PRDM15: variants seen among roughly 807,000 people sequenced by gnomAD.
PRDM15 encodes PR domain zinc finger protein 15.
PRDM15 carries 64 observed loss-of-function variants against 128.6 expected under a neutral mutation model. The observed-to-expected ratio is 0.50, with a 90% CI of 0.41 to 0.61. The LOEUF (loss-of-function observed/expected upper bound fraction) is 0.61. PRDM15 is among the 20% of genes least tolerant of loss of function. The probability of loss-of-function intolerance (pLI) is 0.00; values close to 1 mark genes in which losing one functional copy is unlikely to be tolerated. For missense variants in PRDM15, 1,242 were observed against 1,569.1 expected (o/e 0.79, Z 3.52); for synonymous variants, 615 against 621.8 (o/e 0.99, Z 0.16).
intron 11 of PRDM15, among the ~76,000 whole-genome samples, chr21:41,830,421 CAT>C (rs2062646171): frequency 1.3e-5 from 2 of 151,604 alleles, no homozygotes; most frequent in South Asian, 2.1e-4. Context: ...TACACAATCA[CAT>C]ATCACACACA....
At chr21:41,817,707 TA>T (rs1166088112) in intron 18 of PRDM15, among the ~76,000 whole-genome samples, 15 of 148,748 alleles carry the variant, frequency 1.0e-4, no homozygotes, top group Admixed American at 6.7e-5. Context: ...TATTTTCAAG[TA>T]AAAAAAAAAT....
At position 41,821,868 on chromosome 21, in the gene PRDM15, GA is replaced by G. The variant is rs1568923511; in HGVS notation, c.1896+34del. On this transcript the variant is annotated intron_variant, in intron 15 of 23. Transcript: ENST00000398548. This position sits in a 1 kb window ranked among gnomAD's most constrained non-coding sequence, Gnocchi z 5.4. Reference sequence around the variant, plus strand: ...CTTGAAACGACCACCTTCCTCTCCAGACCACCCAGGCACCGCGGGGCAAACC... The same window carrying G: ...CTTGAAACGACCACCTTCCTCTCCAGCCACCCAGGCACCGCGGGGCAAACC... 6.2e-7 allele frequency: 1 copy of G among 1,611,818 alleles called. No homozygotes were observed. The highest frequency in any genetic ancestry group is 8.5e-7 in the Non-Finnish European group (1 of 1,179,804).
intron 5 of PRDM15, among the ~76,000 whole-genome samples, chr21:41,849,993 C>T (rs1290152717): frequency 6.6e-6 from 1 of 152,194 alleles, no homozygotes; most frequent in Admixed American, 6.5e-5. Context: ...CAAATGGCAA[C>T]AGCAGTTGAG....
At chr21:41,865,145 A>C (rs1432604589) in intron 1 of PRDM15, among the ~76,000 whole-genome samples, 2 of 66,358 alleles carry the variant, frequency 3.0e-5, no homozygotes, top group Admixed American at 1.6e-4. Context: ...CCCACTCCCC[A>C]CTCCCCGGCT....
intron 5 of PRDM15, among the ~76,000 whole-genome samples, chr21:41,850,067 T>G (rs1450106797): frequency 6.6e-6 from 1 of 152,250 alleles, no homozygotes. Context: ...TGTTTGTATT[T>G]TACTCTTTTC....
intron 1 of PRDM15, chr21:41,877,755 A>C (rs946410519): frequency 6.6e-6 from 1 of 152,230 alleles, no homozygotes; most frequent in Admixed American, 6.5e-5. Context: ...AAATTTATTT[A>C]TTTGTCTTCT....
In PRDM15 at chr21:41,874,525, A is replaced by ATATATATATATTTTTTTTTT; in HGVS notation, c.-10+4744_-10+4745insAAAAAAAAAATATATATATA. ...TGCATATATATATATATATATATAT[A>ATATATATATATTTTTTTTTT]TTTTTTTTTTTTTTTGAAACTTACA... is the stretch of plus-strand genomic sequence containing the variant. On this transcript the variant is annotated intron_variant, in intron 1 of 23. Transcript: ENST00000398548. 2.4e-3 allele frequency among the ~76,000 whole-genome samples: 225 copies of ATATATATATATTTTTTTTTT among 95,700 alleles called. 1 individual carries two copies. The highest frequency in any genetic ancestry group is 3.5e-3 in the Non-Finnish European group (174 of 50,020). The allele number at this position is 95,700 out of a possible 152,430, so 62.8% of individuals were successfully genotyped here. A position where few individuals can be genotyped will look rare whatever the true frequency, so the allele number is the denominator to read the frequency against.
chr21:41,835,129 G>A (rs956922870), intron 11 of PRDM15, among the ~76,000 whole-genome samples: 4 of 152,094 alleles, frequency 2.6e-5, no homozygotes, highest in Non-Finnish European at 4.4e-5. Context: ...GAAAACATTG[G>A]ACACTGCTGC....
intron 1 of PRDM15, among the ~76,000 whole-genome samples, chr21:41,868,937 C>T (rs7284045): frequency 9.3e-4 from 142 of 152,308 alleles, no homozygotes; most frequent in African/African-American, 3.3e-3. Flanking sequence ...ATCCACCCGC[C>T]TCGGCCTCCC....
chr21:41,823,151 C>T (rs1324385442), intron 14 of PRDM15, 167 bp downstream of exon 14: 2 of 876,578 alleles, frequency 2.3e-6, no homozygotes, highest in Admixed American at 2.0e-5. Flanking sequence ...CCTCGCCAGA[C>T]ACCGAATCTA....
intron 19 of PRDM15, chr21:41,812,849 G>A (rs1362602920): frequency 6.6e-6 from 1 of 152,334 alleles, no homozygotes; most frequent in Non-Finnish European, 1.5e-5. Context: ...GAGTGTGTTT[G>A]TTTCACCAGC....
chr21:41,844,420 CACA>C (rs2063168709), intron 6 of PRDM15, among the ~76,000 whole-genome samples: 1 of 14,696 alleles, frequency 6.8e-5, no homozygotes, highest in African/African-American at 3.3e-4. Context: ...CAGGGACACA[CACA>C]CACACACACA....
chr21:41,804,398 C>T, intron 22 of PRDM15, 136 bp downstream of exon 22: 1 of 663,196 alleles, frequency 1.5e-6, no homozygotes, highest in Non-Finnish European at 2.6e-6. Flanking sequence ...GGAAGAGAAG[C>T]CAAGAAAACA....
rs756909415 is a variant in PRDM15, at chr21:41,879,304, G to A, written c.-44C>T. ...GAATGTGCAGAGCGGGATCGGATCC[G>A]GACTCCGGGTTGCGATCCGCTCCGG... On this transcript the variant is annotated 5_prime_UTR_variant, in exon 1 of 24. Transcript: ENST00000398548. This position sits in a 1 kb window ranked among gnomAD's most constrained non-coding sequence, Gnocchi z 5.1. 4 of 1,088,482 alleles carry A rather than the reference G, an allele frequency of 3.7e-6. No homozygotes were observed. The Admixed American group carries it at 1.2e-4, about 32-fold the overall frequency. 67.4% of individuals were successfully genotyped at this position (1,088,482 alleles called of 1,614,324 possible).
chr21:41,843,301 C>T (rs2063131767), intron 6 of PRDM15, among the ~76,000 whole-genome samples: 1 of 152,142 alleles, frequency 6.6e-6, no homozygotes, highest in Non-Finnish European at 1.5e-5. Context: ...GATTTCTTTT[C>T]CTTTTTGGGC....
Position 41,821,669 on chromosome 21 carries a change from G to A in PRDM15, c.1896+234C>T, listed in dbSNP as rs150074170. On this transcript the variant is annotated intron_variant, in intron 15 of 23. Coordinates refer to ENST00000398548, the MANE Select transcript of PRDM15 (RefSeq NM_001040424.3). This position sits in a 1 kb window ranked among gnomAD's most constrained non-coding sequence, Gnocchi z 5.4. The stretch of plus-strand genomic sequence containing the variant: ...GTCACAAGGCAAGTTCCTGGAGGGC[G>A]CCTGTGAGACCCACACAGACCGTCC... Among the ~76,000 whole-genome samples the A allele has an allele frequency of 2.3e-4, 35 of 152,278 alleles. No homozygotes were observed. The highest frequency in any genetic ancestry group is 7.5e-4 in the African/African-American group (31 of 41,562).
intron 21 of PRDM15, 92 bp from the exon 22 acceptor site, chr21:41,804,706 C>A: frequency 1.2e-6 from 1 of 864,670 alleles, no homozygotes; most frequent in Non-Finnish European, 1.7e-6. Context: ...ACCACCTCCA[C>A]CACTCCTGCC....
chr21:41,826,102 C>G, intron 12 of PRDM15, 48 bp from the exon 13 acceptor site: 1 of 1,452,708 alleles, frequency 6.9e-7, no homozygotes, highest in Non-Finnish European at 9.7e-7. Flanking sequence ...ACATAGAACA[C>G]GCGAAGGTCC....
intron 22 of PRDM15, chr21:41,803,217 AT>A: frequency 2.3e-6 from 1 of 428,738 alleles, no homozygotes; most frequent in South Asian, 2.6e-5. Context: ...GCCACTGGGT[AT>A]TTCCAAAGGG....
Sources: gnomAD v4.1 joint callset for allele counts (sites outside exome capture counted in the v4.1 genomes callset) on GRCh38, gnomAD v4.1.1 for gene constraint, Gnocchi (gnomAD v3.1) non-coding constraint, MANE v1.5 for transcripts, NCBI Gene and HGNC (gene_info 2026-07-23, HGNC 2026-07-21) for gene names.